MYO3B: variants seen among roughly 807,000 people sequenced by gnomAD.
MYO3B encodes the protein myosin IIIB.
Under a neutral mutation model 174.6 loss-of-function variants are expected in MYO3B, and 156 were observed. The ratio of observed to expected loss-of-function variants is 0.89; its 90% confidence interval spans 0.78 to 1.02. The LOEUF (loss-of-function observed/expected upper bound fraction) is 1.02, where lower values mean the gene tolerates loss of function less well. MYO3B is among the 50% of genes least tolerant of loss of function. The pLI, the probability that MYO3B is intolerant of heterozygous loss-of-function variation, is 0.00. For missense variants in MYO3B, 1,632 were observed against 1,639.4 expected, an observed-to-expected ratio of 1.00 and a Z score of 0.08; for synonymous variants, 563 against 569.1, an observed-to-expected ratio of 0.99 and a Z score of 0.15.
intron 6 of MYO3B, among the ~76,000 whole-genome samples, chr2:170,222,693 A>G (rs35522848): frequency 0.28 from 42,992 of 152,108 alleles, 7,312 homozygotes; most frequent in South Asian, 0.51. Flanking sequence ...AACTAATTGT[A>G]TATACAGTGA....
chr2:170,256,505 T>C (rs2093305772), intron 7 of MYO3B, among the ~76,000 whole-genome samples: 2 of 152,050 alleles, frequency 1.3e-5, no homozygotes. Context: ...AGAAAAGAAA[T>C]TCTAACCAAG....
At chr2:170,481,809 A>G (rs1685705666) in intron 25 of MYO3B, among the ~76,000 whole-genome samples, 2 of 152,052 alleles carry the variant, frequency 1.3e-5, no homozygotes, top group Non-Finnish European at 1.5e-5. Context: ...TATCGTTTCC[A>G]TCAGCTTTTC....
In MYO3B at chr2:170,239,083, G is replaced by C. The variant is rs530972510; in HGVS notation, c.749+2947G>C. Among the ~76,000 whole-genome samples, 21 of 152,282 alleles carry C rather than the reference G, an allele frequency of 1.4e-4. No homozygotes were observed. The East Asian group carries it at 4.1e-3, about 29-fold the overall frequency. ...TGCTCCAAAAAAGTCACCCCTCTCT[G>C]ACTGTCACTGCTCTGTCTGCTGCTA... On this transcript the variant is annotated intron_variant, in intron 7 of 34. Transcript: ENST00000408978.
chr2:170,428,161 C>T (rs922382238), intron 22 of MYO3B, among the ~76,000 whole-genome samples: 8 of 152,160 alleles, frequency 5.3e-5, no homozygotes, highest in African/African-American at 1.7e-4. Context: ...GGAGGAATAA[C>T]TGAAGAGATC....
At chr2:170,523,295 TG>T (rs913333422) in intron 30 of MYO3B, among the ~76,000 whole-genome samples, 1 of 152,202 alleles carries the variant, frequency 6.6e-6, no homozygotes, top group African/African-American at 2.4e-5. Flanking sequence ...TGTCAGTCTT[TG>T]GGTAGTGGCA....
At chr2:170,241,122 A>G (rs1311519951) in intron 7 of MYO3B, among the ~76,000 whole-genome samples, 4 of 116,892 alleles carry the variant, frequency 3.4e-5, no homozygotes, top group Admixed American at 3.1e-4. Flanking sequence ...CTTCCCTTTT[A>G]TTTATTTGTT....
At position 170,387,906 on chromosome 2, in the gene MYO3B, C is replaced by G. The variant is rs866917132; in HGVS notation, c.1577+598C>G. 2.6e-5 allele frequency among the ~76,000 whole-genome samples: 4 copies of G among 152,182 alleles called. No homozygotes were observed. The South Asian group carries it at 8.3e-4, about 32-fold the overall frequency. On this transcript the variant is annotated intron_variant, in intron 14 of 34. Coordinates refer to ENST00000408978, the MANE Select transcript of MYO3B (RefSeq NM_138995.5). ...TAACATGTTCATTTATATAAAATTA[C>G]TTAAAAGAATGCCTAGTGTGGTACA...
chr2:170,240,029 A>G (rs1233055595), intron 7 of MYO3B, among the ~76,000 whole-genome samples: 4 of 152,100 alleles, frequency 2.6e-5, no homozygotes, highest in Non-Finnish European at 4.4e-5. Flanking sequence ...TCGTTTTCAC[A>G]TGGCCGCCTT....
intron 7 of MYO3B, among the ~76,000 whole-genome samples, chr2:170,246,196 C>T (rs866773080): frequency 1.3e-4 from 20 of 152,150 alleles, no homozygotes; most frequent in Non-Finnish European, 2.4e-4. Flanking sequence ...GAGTCTCCCT[C>T]TGGAAATTCT....
intron 16 of MYO3B, among the ~76,000 whole-genome samples, chr2:170,395,886 G>A (rs2094440053): frequency 6.6e-6 from 1 of 152,200 alleles, no homozygotes; most frequent in Non-Finnish European, 1.5e-5. Flanking sequence ...CAGGCTAACA[G>A]AGAAAACTAA....
At chr2:170,372,118 C>CAAAAAAAAAAAAA (rs769243145) in intron 9 of MYO3B, among the ~76,000 whole-genome samples, 21 of 22,208 alleles carry the variant, frequency 9.5e-4, no homozygotes, top group East Asian at 5.3e-3. Flanking sequence ...GACCCTGTCT[C>CAAAAAAAAAAAAA]AAAAAAAAAA....
chr2:170,636,976 G>T (rs1453830281), intron 32 of MYO3B, among the ~76,000 whole-genome samples: 1 of 151,692 alleles, frequency 6.6e-6, no homozygotes, highest in Non-Finnish European at 1.5e-5. Context: ...GTGTGTGTGT[G>T]TGTGTGTGTG....
At chr2:170,422,873 A>G (rs765972505) in intron 22 of MYO3B, among the ~76,000 whole-genome samples, 1 of 151,988 alleles carries the variant, frequency 6.6e-6, no homozygotes, top group Non-Finnish European at 1.5e-5. Flanking sequence ...CCAATATAAA[A>G]GTTATTGAAA....
chr2:170,291,673 A>G (rs1221476854), intron 7 of MYO3B, among the ~76,000 whole-genome samples: 5 of 151,480 alleles, frequency 3.3e-5, no homozygotes, highest in African/African-American at 1.2e-4. Flanking sequence ...TTTCATATTC[A>G]AAGGATAATT....
intron 32 of MYO3B, among the ~76,000 whole-genome samples, chr2:170,564,518 G>A (rs1230146884): frequency 6.6e-6 from 1 of 152,116 alleles, no homozygotes; most frequent in Non-Finnish European, 1.5e-5. Flanking sequence ...ATTTAAGTGT[G>A]TCTTGTGGAA....
intron 26 of MYO3B, 129 bp from the exon 27 acceptor site, chr2:170,499,517 G>T (rs892810025): frequency 1.9e-5 from 16 of 847,032 alleles, no homozygotes; most frequent in Non-Finnish European, 2.7e-5. Flanking sequence ...AGTAATGTGA[G>T]CATAAGTCAC....
intron 30 of MYO3B, among the ~76,000 whole-genome samples, chr2:170,525,771 A>G (rs575914534): frequency 6.6e-6 from 1 of 152,330 alleles, no homozygotes; most frequent in South Asian, 2.1e-4. Flanking sequence ...TGAGCCAGAG[A>G]AACAGCCTCC....
rs75099989 is a variant in MYO3B at position 170,475,079 on chromosome 2, G to A, written c.3014+8368G>A. Among the ~76,000 whole-genome samples, 951 of 152,242 alleles carry A rather than the reference G, an allele frequency of 6.2e-3. 5 individuals carry two copies. The highest frequency in any genetic ancestry group is 0.021 in the African/African-American group (891 of 41,538). ...AGTTTCCAGCTCCACTTCACTAAGG[G>A]ATTAGAGAAAACTCAGTCTATTCTG... On this transcript the variant is annotated intron_variant, in intron 25 of 34. Coordinates refer to ENST00000408978, the MANE Select transcript of MYO3B (RefSeq NM_138995.5).
At chr2:170,314,010 A>G (rs750105977) in intron 7 of MYO3B, among the ~76,000 whole-genome samples, 3 of 152,166 alleles carry the variant, frequency 2.0e-5, no homozygotes, top group Non-Finnish European at 4.4e-5. Context: ...CGTGAACCAC[A>G]AGGCTGACAA....
Sources: gnomAD v4.1 joint callset for allele counts (sites outside exome capture counted in the v4.1 genomes callset) on GRCh38, gnomAD v4.1.1 for gene constraint, MANE v1.5 for transcripts, NCBI Gene and HGNC (gene_info 2026-07-23, HGNC 2026-07-21) for gene names.